The following OR10H3 variants were observed in gnomAD, a reference collection of about 807,000 sequenced individuals.
OR10H3 encodes olfactory receptor 10H3.
A neutral mutation model predicts 11.1 loss-of-function variants in OR10H3; 15 were observed. The observed-to-expected ratio is 1.36, with a 90% CI of 0.91 to 2.09. The LOEUF (loss-of-function observed/expected upper bound fraction) is 2.09. Ranked by LOEUF, OR10H3 falls within the 30% of genes most tolerant of loss-of-function variation. The pLI, the probability that OR10H3 is intolerant of heterozygous loss-of-function variation, is 0.00. For missense variants in OR10H3, 403 were observed against 391.5 expected (o/e 1.03, Z -0.25); for synonymous variants, 149 against 142.1 (o/e 1.05, Z -0.35).
chr19:15,739,845 G>A (rs2008678886), intron 1 of OR10H3, among the ~76,000 whole-genome samples: 1 of 152,116 alleles, frequency 6.6e-6, no homozygotes, highest in Non-Finnish European at 1.5e-5. Flanking sequence ...GGGTATAAAT[G>A]TTATTCTCTG....
chr19:15,739,769 G>A (rs1428599031), intron 1 of OR10H3, among the ~76,000 whole-genome samples: 2 of 152,098 alleles, frequency 1.3e-5, no homozygotes, highest in African/African-American at 4.8e-5. Context: ...ATTTGTTAAT[G>A]AATATTCCAG....
In OR10H3 at chr19:15,742,274, A is replaced by G; in HGVS notation, c.882A>G (p.Leu294=). 1.9e-6 allele frequency: 3 copies of G among 1,614,136 alleles called. No homozygotes were observed. Among genetic ancestry groups the G allele is most frequent in the South Asian group, 2.2e-5 (2 of 91,080 alleles). Residue 294 remains leucine (L), a synonymous_variant, in exon 2 of 2, where the codon CTA becomes CTG. Coordinates refer to ENST00000641646, the MANE Select transcript of OR10H3 (RefSeq NM_013938.2). ...TPFLSPIIFS[L]RNKELKNAIN... The stretch of plus-strand genomic sequence containing the variant: ...TCCTCAGCCCAATCATTTTCAGTCT[A>G]AGGAACAAGGAGCTGAAGAATGCCA...
chr19:15,742,156 GT>G lies in OR10H3; in HGVS notation c.768del (p.Phe256LeufsTer20). 6.2e-7 allele frequency: 1 copy of G among 1,614,094 alleles called. No individual in the cohort carries two copies. The highest frequency in any genetic ancestry group is 1.6e-4 in the Middle Eastern group (1 of 6,062). The part of the protein sequence containing the change: ...SHLTVVVMHY[S>X]FASLIYLKPK... ...CTCACTGTGGTGGTCATGCACTATA[GT>G]TTTGCCTCCCTTATCTACCTCAAAC... On this transcript the variant is annotated frameshift_variant, in exon 2 of 2. Transcript: ENST00000641646. LOFTEE classifies it high-confidence loss of function.
rs1386932813 is a variant in OR10H3, at chr19:15,742,142, G to A, written c.750G>A (p.Val250=). The A allele has an allele frequency of 6.2e-7, 1 of 1,614,098 alleles. No individual in the cohort carries two copies. Among genetic ancestry groups the A allele is most frequent in the Non-Finnish European group, 8.5e-7 (1 of 1,180,030 alleles). The change falls in exon 2 of 2, where the codon GTG becomes GTA. Residue 250 remains valine (V), a synonymous_variant. Transcript: ENST00000641646. ...CTTGTGTATCCCACCTCACTGTGGT[G>A]GTCATGCACTATAGTTTTGCCTCCC... ...FSTCVSHLTV[V]VMHYSFASLI... is the part of the protein sequence containing the mutation.
chr19:15,741,891 C>T lies in OR10H3; in HGVS notation c.499C>T (p.Leu167Phe), dbSNP rs563458212. 6.2e-7 allele frequency: 1 copy of T among 1,614,198 alleles called. No individual in the cohort carries two copies. The highest frequency in any genetic ancestry group is 1.1e-5 in the South Asian group (1 of 91,084). ...GMMVTMMVFHLTFCGSNVIHH... is the reference protein window; with the variant it reads ...GMMVTMMVFHFTFCGSNVIHH... The stretch of plus-strand genomic sequence containing the variant: ...GATGGTGACAATGATGGTTTTTCAC[C>T]TCACTTTCTGTGGGTCTAATGTGAT... Residue 167 changes from leucine (L) to phenylalanine (F), a missense_variant, in exon 2 of 2, where the codon CTC (leucine) becomes TTC (phenylalanine). By Grantham distance (22) the Leu-to-Phe change is conservative. Transcript: ENST00000641646.
rs879090318 is a variant in OR10H3 at position 15,742,306 on chromosome 19, A to C, written c.914A>C (p.Lys305Thr). ...RNKELKNAIN[K>T]NFCRRFCPLS... Reference sequence around the variant, plus strand: ...AAGGAGCTGAAGAATGCCATAAATAAAAACTTTTGCAGAAGGTTCTGCCCT... The same window carrying C: ...AAGGAGCTGAAGAATGCCATAAATACAAACTTTTGCAGAAGGTTCTGCCCT... The change falls in exon 2 of 2, where the codon AAA (lysine) becomes ACA (threonine). Residue 305 changes from lysine to threonine, a missense_variant. Lys to Thr is a moderately conservative substitution (Grantham distance 78). Transcript: ENST00000641646. The C allele has an allele frequency of 4.3e-6, 7 of 1,613,704 alleles. No homozygotes were observed. In the African/African-American group the frequency reaches 9.3e-5, roughly 22 times the overall value.
intron 1 of OR10H3, among the ~76,000 whole-genome samples, chr19:15,740,091 C>CAA (rs11375276): frequency 0.024 from 3,003 of 124,522 alleles, 49 homozygotes; most frequent in Middle Eastern, 0.039. Context: ...CCTGTCTCTA[C>CAA]AAAAAAAAAA....
chr19:15,738,028 C>A lies in OR10H3; in HGVS notation c.-35C>A. On this transcript the variant is annotated 5_prime_UTR_variant, in exon 1 of 2. Transcript: ENST00000641646. ...ATACCATCACTCACGAATTTCAGCT[C>A]CATGTTAAAGAACAGCGGAATTAGT... 6.5e-6 allele frequency: 1 copy of A among 152,902 alleles called. No homozygotes were observed. The highest frequency in any genetic ancestry group is 1.8e-4 in the South Asian group (1 of 5,418). The allele number at this position is 152,902 out of a possible 1,614,324, so 9.5% of individuals were successfully genotyped here.
chr19:15,741,597 A>T lies in OR10H3; in HGVS notation c.205A>T (p.Ile69Phe). 6.2e-7 allele frequency: 1 copy of T among 1,614,056 alleles called. No individual in the cohort carries two copies. Among genetic ancestry groups the T allele is most frequent in the Non-Finnish European group, 8.5e-7 (1 of 1,180,018 alleles). The change falls in exon 2 of 2, where the codon ATC (isoleucine) becomes TTC (phenylalanine). Residue 69 changes from isoleucine to phenylalanine, a missense_variant. Transcript: ENST00000641646. ...PMYLFLCALS[I>F]SEILFTVAIT... ...GTACCTCTTCTTGTGTGCCCTCTCCATCTCTGAGATTCTGTTCACTGTTGC... is the reference window on the plus strand; with the variant it reads ...GTACCTCTTCTTGTGTGCCCTCTCCTTCTCTGAGATTCTGTTCACTGTTGC...
At chr19:15,740,761 C>T (rs1475560579) in intron 1 of OR10H3, among the ~76,000 whole-genome samples, 6 of 152,210 alleles carry the variant, frequency 3.9e-5, no homozygotes, top group African/African-American at 4.8e-5. Flanking sequence ...AGAGACCTTG[C>T]GATCATTGTT....
Position 15,741,441 on chromosome 19 carries a change from T to C in OR10H3, c.49T>C (p.Phe17Leu). The C allele has an allele frequency of 6.2e-7, 1 of 1,614,180 alleles. No individual in the cohort carries two copies. ...CATATCTGAATTTATCCTCTCTGGC[T>C]TCTCAGCCTTCCCCCAGCAGCTCCT... ...RTISEFILSGFSAFPQQLLPV... is the reference protein window; with the variant it reads ...RTISEFILSGLSAFPQQLLPV... Residue 17 changes from phenylalanine (F) to leucine (L), a missense_variant, in exon 2 of 2, where the codon TTC becomes CTC. Physicochemically the swap from Phe to Leu is conservative, Grantham distance 22 (BLOSUM62 0). Transcript: ENST00000641646.
At position 15,742,162 on chromosome 19, in the gene OR10H3, C is replaced by T; in HGVS notation, c.770C>T (p.Ala257Val). ...GTGGTGGTCATGCACTATAGTTTTG[C>T]CTCCCTTATCTACCTCAAACCCAAG... ...LTVVVMHYSF[A>V]SLIYLKPKGL... Residue 257 changes from alanine (A) to valine (V), a missense_variant, in exon 2 of 2, where the codon GCC becomes GTC. Ala to Val is a moderately conservative substitution (Grantham distance 64, BLOSUM62 0). Coordinates refer to ENST00000641646, the MANE Select transcript of OR10H3 (RefSeq NM_013938.2). The T allele has an allele frequency of 5.6e-6, 9 of 1,614,152 alleles. No homozygotes were observed. Among genetic ancestry groups the T allele is most frequent in the Non-Finnish European group, 7.6e-6 (9 of 1,180,028 alleles).
intron 1 of OR10H3, 89 bp from the exon 2 acceptor site, chr19:15,741,293 A>G (rs1251039510): frequency 2.4e-4 from 179 of 749,032 alleles, no homozygotes; most frequent in Non-Finnish European, 1.6e-5. Flanking sequence ...CAGTTGTTGA[A>G]TAGCATAGAG....
Position 15,742,297 on chromosome 19 carries a change from C to G in OR10H3, c.905C>G (p.Ala302Gly). 6.2e-7 allele frequency: 1 copy of G among 1,613,874 alleles called. No individual in the cohort carries two copies. Among genetic ancestry groups the G allele is most frequent in the Non-Finnish European group, 8.5e-7 (1 of 1,179,940 alleles). Residue 302 changes from alanine to glycine, a missense_variant, in exon 2 of 2, where the codon GCC becomes GGC. Coordinates refer to ENST00000641646, the MANE Select transcript of OR10H3 (RefSeq NM_013938.2). ...FSLRNKELKN[A>G]INKNFCRRFC... is the part of the protein sequence containing the mutation. Reference sequence around the variant, plus strand: ...CTAAGGAACAAGGAGCTGAAGAATGCCATAAATAAAAACTTTTGCAGAAGG... The same window carrying G: ...CTAAGGAACAAGGAGCTGAAGAATGGCATAAATAAAAACTTTTGCAGAAGG...
intron 1 of OR10H3, among the ~76,000 whole-genome samples, chr19:15,740,867 T>A (rs912617297): frequency 3.9e-5 from 6 of 152,226 alleles, no homozygotes; most frequent in African/African-American, 1.4e-4. Flanking sequence ...TATTTTTGAA[T>A]TTTCTATTCA....
intron 1 of OR10H3, among the ~76,000 whole-genome samples, chr19:15,740,770 T>C (rs558636894): frequency 8.1e-4 from 124 of 152,386 alleles, no homozygotes; most frequent in African/African-American, 2.7e-3. Context: ...GCGATCATTG[T>C]TTCCTTAAAT....
intron 1 of OR10H3, among the ~76,000 whole-genome samples, chr19:15,741,170 T>C (rs2008692405): frequency 6.6e-6 from 1 of 152,242 alleles, no homozygotes; most frequent in South Asian, 2.1e-4. Context: ...ACATCTGACT[T>C]GGTCATCTAA....
chr19:15,741,219 G>A (rs1264403997), intron 1 of OR10H3, among the ~76,000 whole-genome samples, 163 bp from the exon 2 acceptor site: 1 of 152,186 alleles, frequency 6.6e-6, no homozygotes, highest in Non-Finnish European at 1.5e-5. Context: ...ATTGCTGAAT[G>A]TTAAGAACTA....
Position 15,742,330 on chromosome 19 carries a change from C to A in OR10H3, c.938C>A (p.Pro313His), listed in dbSNP as rs2144894586. 6.2e-7 allele frequency: 1 copy of A among 1,611,742 alleles called. No homozygotes were observed. Among genetic ancestry groups the A allele is most frequent in the Non-Finnish European group, 8.5e-7 (1 of 1,178,812 alleles). ...INKNFCRRFCPLSS is the reference protein window; with the variant it reads ...INKNFCRRFCHLSS ...AAAAACTTTTGCAGAAGGTTCTGCC[C>A]TCTAAGCTCCTAATGGCCAGTTTGG... The change falls in exon 2 of 2, where the codon CCT becomes CAT. Residue 313 changes from proline (P) to histidine (H), a missense_variant. Physicochemically the swap from Pro to His is moderately conservative, Grantham distance 77 (BLOSUM62 -2). Coordinates refer to ENST00000641646, the MANE Select transcript of OR10H3 (RefSeq NM_013938.2).
Sources: allele counts gnomAD v4.1 joint callset (sites outside exome capture counted in the v4.1 genomes callset), GRCh38; gene constraint gnomAD v4.1.1; transcripts MANE v1.5; gene names NCBI Gene and HGNC (gene_info 2026-07-23, HGNC 2026-07-21).